BTN1A1: variants seen among roughly 807,000 people sequenced by gnomAD.
BTN1A1 encodes the protein butyrophilin subfamily 1 member A1, also known as bK14H9.2 (butyrophilin, subfamily 1, member A1).
In BTN1A1, 26 loss-of-function variants were observed where a neutral mutation model predicts 33.1. The observed-to-expected ratio is 0.79, with a 90% confidence interval of 0.58 to 1.09. BTN1A1 has a LOEUF of 1.09. Ranked by LOEUF, BTN1A1 falls within the 50% of genes least tolerant of loss-of-function variation. The pLI is 0.00. For synonymous variants in BTN1A1, 235 were observed against 256.2 expected (o/e 0.92, Z 0.79); for missense variants, 558 against 655.7 (o/e 0.85, Z 1.63).
At position 26,501,610 on chromosome 6, in the gene BTN1A1, C is replaced by T; in HGVS notation, c.100C>T (p.Pro34Ser). The T allele has an allele frequency of 6.2e-7, 1 of 1,613,718 alleles. No individual in the cohort carries two copies. ...LDSAPFDVIG[P>S]PEPILAVVGE... is the part of the protein sequence containing the mutation. The stretch of plus-strand genomic sequence containing the variant: ...GGCAGCTCCCTTTGACGTGATTGGA[C>T]CCCCGGAGCCCATCCTGGCCGTTGT... The change falls in exon 3 of 8, where the codon CCC (proline) becomes TCC (serine). Residue 34 changes from proline to serine, a missense_variant. Transcript: ENST00000684113. This position sits in a 1 kb window ranked among gnomAD's most constrained non-coding sequence, Gnocchi z 5.2.
chr6:26,501,232 T>G lies in BTN1A1; in HGVS notation c.-55T>G. 7.0e-7 allele frequency: 1 copy of G among 1,433,360 alleles called. No homozygotes were observed. Among genetic ancestry groups the G allele is most frequent in the Non-Finnish European group, 9.6e-7 (1 of 1,036,796 alleles). 88.8% of individuals were successfully genotyped at this position (1,433,360 alleles called of 1,614,324 possible). A position where few individuals can be genotyped will look rare whatever the true frequency, so the allele number is the denominator to read the frequency against. ...TCTCCTGTCCATTCATCTCCTAGGC[T>G]GAAGCTCCTGAGGGGACTCACATCA... is the stretch of plus-strand genomic sequence containing the variant. On this transcript the variant is annotated splice_region_variant and 5_prime_UTR_variant, in exon 2 of 8. Coordinates refer to ENST00000684113, the MANE Select transcript of BTN1A1 (RefSeq NM_001732.3). This position sits in a 1 kb window ranked among gnomAD's most constrained non-coding sequence, Gnocchi z 5.2.
In BTN1A1 at chr6:26,501,897, T is replaced by C. The variant is rs759230338; in HGVS notation, c.387T>C (p.Asp129=). The stretch of plus-strand genomic sequence containing the variant: ...AGTACACGTGCTTTTTCAGGGAGGA[T>C]GGAAGCTACGAAGAAGCCCTGGTGC... ...DGEYTCFFRE[D]GSYEEALVHL... Residue 129 remains aspartate, a synonymous_variant, in exon 3 of 8, where the codon GAT becomes GAC. Transcript: ENST00000684113. The surrounding 1 kb of genome is among the most constrained non-coding windows in gnomAD (Gnocchi z 5.2). 19 of 1,596,948 alleles carry C rather than the reference T, an allele frequency of 1.2e-5. No homozygotes were observed. In the South Asian group the frequency reaches 2.0e-4, roughly 17 times the overall value.
rs1763914013 is a variant in BTN1A1 at position 26,509,259 on chromosome 6, G to A, written c.*85G>A. ...AGGCTTCACCTGCTAGCTTTACCCA[G>A]TCTGTTTCTTCCTGTTGGGTGGCAA... On this transcript the variant is annotated 3_prime_UTR_variant, in exon 8 of 8. Coordinates refer to ENST00000684113, the MANE Select transcript of BTN1A1 (RefSeq NM_001732.3). The A allele has an allele frequency of 7.8e-7, 1 of 1,278,124 alleles. No homozygotes were observed. Among genetic ancestry groups the A allele is most frequent in the Non-Finnish European group, 1.1e-6 (1 of 922,448 alleles). 79.2% of individuals were successfully genotyped at this position (1,278,124 alleles called of 1,614,324 possible).
At chr6:26,504,176 C>G (rs1162836623) in intron 3 of BTN1A1, among the ~76,000 whole-genome samples, 1 of 152,130 alleles carries the variant, frequency 6.6e-6, no homozygotes, top group Non-Finnish European at 1.5e-5. Flanking sequence ...ATAAAGAAAG[C>G]TTAAATTGTC....
Position 26,501,984 on chromosome 6 carries a change from A to C in BTN1A1, c.427+47A>C, listed in dbSNP as rs371057055. On this transcript the variant is annotated intron_variant, in intron 3 of 7. Transcript: ENST00000684113. This position sits in a 1 kb window ranked among gnomAD's most constrained non-coding sequence, Gnocchi z 5.2. ...TTCTCCGACGACTCCCCTGCTGTAT[A>C]CACTTTCGTATGGATCAGTTACTTT... 1.6e-3 allele frequency: 2,436 copies of C among 1,514,500 alleles called. 28 individuals are homozygous for C. The highest frequency in any genetic ancestry group is 0.011 in the South Asian group (799 of 74,684). The allele number at this position is 1,514,500 out of a possible 1,614,324, so 93.8% of individuals were successfully genotyped here. A position where few individuals can be genotyped will look rare whatever the true frequency, so the allele number is the denominator to read the frequency against.
rs1763918669 is a variant in BTN1A1, at chr6:26,509,708, A to G, written c.*534A>G. The G allele has an allele frequency of 6.4e-6, 1 of 155,416 alleles. No individual in the cohort carries two copies. The highest frequency in any genetic ancestry group is 2.0e-4 in the South Asian group (1 of 4,996). 9.6% of individuals were successfully genotyped at this position (155,416 alleles called of 1,614,324 possible). A position where few individuals can be genotyped will look rare whatever the true frequency, so the allele number is the denominator to read the frequency against. On this transcript the variant is annotated 3_prime_UTR_variant, in exon 8 of 8. Coordinates refer to ENST00000684113, the MANE Select transcript of BTN1A1 (RefSeq NM_001732.3). ...CTCATCCATAGAGTTTTCACAGCCT[A>G]TATCGCAAATTTTCTAAGCCACGTC...
At position 26,508,733 on chromosome 6, in the gene BTN1A1, G is replaced by A; in HGVS notation, c.1140G>A (p.Met380Ile). Reference protein sequence around the residue: ...WAIGVCRENVMKKGFDPMTPE... With the variant: ...WAIGVCRENVIKKGFDPMTPE... The stretch of plus-strand genomic sequence containing the variant: ...TCGGCGTGTGTAGGGAGAATGTGAT[G>A]AAGAAAGGATTTGACCCCATGACTC... The change falls in exon 8 of 8, where the codon ATG (methionine) becomes ATA (isoleucine). Residue 380 changes from methionine (M) to isoleucine (I), a missense_variant. Physicochemically the swap from Met to Ile is conservative, Grantham distance 10. Transcript: ENST00000684113. The A allele has an allele frequency of 1.2e-6, 2 of 1,614,128 alleles. No homozygotes were observed. The highest frequency in any genetic ancestry group is 1.7e-6 in the Non-Finnish European group (2 of 1,180,030).
At chr6:26,500,507 C>G (rs142366679) in intron 1 of BTN1A1, among the ~76,000 whole-genome samples, 149 bp downstream of exon 1, 5 of 152,272 alleles carry the variant, frequency 3.3e-5, no homozygotes, top group African/African-American at 1.2e-4. Context: ...GCTTCTTGCT[C>G]CATCTCCTCC....
intron 5 of BTN1A1, among the ~76,000 whole-genome samples, chr6:26,507,478 C>G (rs1763885800): frequency 2.0e-5 from 3 of 152,124 alleles, no homozygotes; most frequent in Non-Finnish European, 4.4e-5. Flanking sequence ...GTAATCTTAG[C>G]ACTTTGGGAG....
Position 26,509,022 on chromosome 6 carries a change from G to C in BTN1A1, c.1429G>C (p.Asp477His), listed in dbSNP as rs757927496. ...GCCCCTGACCATCTGCCCAATTGCT[G>C]ATGGGCCTGAGAGGGTCACAGTCAT... ...KKPLTICPIA[D>H]GPERVTVIAN... is the part of the protein sequence containing the mutation. The change falls in exon 8 of 8, where the codon GAT (aspartate) becomes CAT (histidine). Residue 477 changes from aspartate to histidine, a missense_variant. Transcript: ENST00000684113. 1.2e-6 allele frequency: 2 copies of C among 1,614,184 alleles called. No homozygotes were observed. Among genetic ancestry groups the C allele is most frequent in the South Asian group, 2.2e-5 (2 of 91,082 alleles).
rs1470574359 is a variant in BTN1A1, at chr6:26,501,865, G to A, written c.355G>A (p.Asp119Asn). The A allele has an allele frequency of 1.2e-6, 2 of 1,609,730 alleles. No homozygotes were observed. Among genetic ancestry groups the A allele is most frequent in the Non-Finnish European group, 1.7e-6 (2 of 1,177,020 alleles). Residue 119 changes from aspartate (D) to asparagine (N), a missense_variant, in exon 3 of 8, where the codon GAC becomes AAC. Coordinates refer to ENST00000684113, the MANE Select transcript of BTN1A1 (RefSeq NM_001732.3). This position sits in a 1 kb window ranked among gnomAD's most constrained non-coding sequence, Gnocchi z 5.2. ...LRIRGVRVSD[D>N]GEYTCFFRED... The stretch of plus-strand genomic sequence containing the variant: ...GATCCGTGGCGTCAGAGTCTCTGAC[G>A]ACGGGGAGTACACGTGCTTTTTCAG...
Position 26,508,657 on chromosome 6 carries a change from CAGGAAGGCATTACTGGG to C in BTN1A1, c.1068_1084del (p.Arg357GlyfsTer7), listed in dbSNP as rs1418946061. 5.0e-6 allele frequency: 8 copies of C among 1,614,160 alleles called. No individual in the cohort carries two copies. Among genetic ancestry groups the C allele is most frequent in the Non-Finnish European group, 6.8e-6 (8 of 1,180,030 alleles). On this transcript the variant is annotated frameshift_variant, in exon 8 of 8. Transcript: ENST00000684113. LOFTEE classifies it low-confidence loss of function (END_TRUNC). The stretch of plus-strand genomic sequence containing the variant: ...GTGTTGGGCCGTGAGACCTTCACCT[CAGGAAGGCATTACTGGG>C]AGGTGGAGGTGGGAGACAGGACTGA...
At chr6:26,503,255 G>A (rs554329506) in intron 3 of BTN1A1, among the ~76,000 whole-genome samples, 2 of 151,874 alleles carry the variant, frequency 1.3e-5, no homozygotes, top group African/African-American at 2.4e-5. Flanking sequence ...AGGCCAAGGC[G>A]GGTGACTCAC....
chr6:26,504,652 G>A (rs1484109648), intron 3 of BTN1A1, among the ~76,000 whole-genome samples: 5 of 152,020 alleles, frequency 3.3e-5, no homozygotes, highest in Admixed American at 3.3e-4. Flanking sequence ...CATGCCCAAA[G>A]AGATGGGGTC....
In BTN1A1 at chr6:26,509,668, A is replaced by G. The variant is rs1763918066; in HGVS notation, c.*494A>G. 1 of 157,770 alleles carries G rather than the reference A, an allele frequency of 6.3e-6. No individual in the cohort carries two copies. Among genetic ancestry groups the G allele is most frequent in the Non-Finnish European group, 1.4e-5 (1 of 71,648 alleles). The allele number at this position is 157,770 out of a possible 1,614,324, so 9.8% of individuals were successfully genotyped here. A position where few individuals can be genotyped will look rare whatever the true frequency, so the allele number is the denominator to read the frequency against. ...AGGGAAGTGAGGTGAATCCAGGCACATGATGAACACCTGGCTCATCCATAG... is the reference window on the plus strand; with the variant it reads ...AGGGAAGTGAGGTGAATCCAGGCACGTGATGAACACCTGGCTCATCCATAG... On this transcript the variant is annotated 3_prime_UTR_variant, in exon 8 of 8. Transcript: ENST00000684113.
chr6:26,507,793 A>G (rs940139703), intron 5 of BTN1A1, among the ~76,000 whole-genome samples, 157 bp from the exon 6 acceptor site: 2 of 152,220 alleles, frequency 1.3e-5, no homozygotes, highest in Non-Finnish European at 2.9e-5. Flanking sequence ...AAAACAAAGC[A>G]AAACAAAATC....
chr6:26,508,721 G>C lies in BTN1A1; in HGVS notation c.1128G>C (p.Arg376Ser). Reference sequence around the variant, plus strand: ...CTGACTGGGCAATCGGCGTGTGTAGGGAGAATGTGATGAAGAAAGGATTTG... The same window carrying C: ...CTGACTGGGCAATCGGCGTGTGTAGCGAGAATGTGATGAAGAAAGGATTTG... ...DRTDWAIGVC[R>S]ENVMKKGFDP... is the part of the protein sequence containing the mutation. The change falls in exon 8 of 8, where the codon AGG becomes AGC. Residue 376 changes from arginine (R) to serine (S), a missense_variant. Coordinates refer to ENST00000684113, the MANE Select transcript of BTN1A1 (RefSeq NM_001732.3). 1.2e-6 allele frequency: 2 copies of C among 1,614,144 alleles called. No individual in the cohort carries two copies. The highest frequency in any genetic ancestry group is 1.7e-6 in the Non-Finnish European group (2 of 1,180,016).
chr6:26,506,595 C>T, intron 4 of BTN1A1, 88 bp from the exon 5 acceptor site: 1 of 1,425,178 alleles, frequency 7.0e-7, no homozygotes, highest in Non-Finnish European at 9.7e-7. Flanking sequence ...CAGGCCATCA[C>T]CTCTTCTACC....
Position 26,509,279 on chromosome 6 carries a change from T to C in BTN1A1, c.*105T>C. The C allele has an allele frequency of 2.8e-6, 3 of 1,089,796 alleles. No individual in the cohort carries two copies. The highest frequency in any genetic ancestry group is 4.0e-6 in the Non-Finnish European group (3 of 758,834). The allele number at this position is 1,089,796 out of a possible 1,614,324, so 67.5% of individuals were successfully genotyped here. On this transcript the variant is annotated 3_prime_UTR_variant, in exon 8 of 8. Coordinates refer to ENST00000684113, the MANE Select transcript of BTN1A1 (RefSeq NM_001732.3). ...ACCCAGTCTGTTTCTTCCTGTTGGGTGGCAATTAATTAATCCTGTGAAGGT... is the reference window on the plus strand; with the variant it reads ...ACCCAGTCTGTTTCTTCCTGTTGGGCGGCAATTAATTAATCCTGTGAAGGT...
Sources: gnomAD v4.1 joint callset for allele counts (sites outside exome capture counted in the v4.1 genomes callset) on GRCh38, gnomAD v4.1.1 for gene constraint, Gnocchi (gnomAD v3.1) non-coding constraint, MANE v1.5 for transcripts, NCBI Gene and HGNC (gene_info 2026-07-23, HGNC 2026-07-21) for gene names.